The following ETV6 variants were observed in gnomAD, a reference collection of about 807,000 sequenced individuals.
ETV6 encodes the protein transcription factor ETV6.
Under a neutral mutation model 51.1 loss-of-function variants are expected in ETV6, and 16 were observed. The ratio of observed to expected loss-of-function variants is 0.31; its 90% CI spans 0.21 to 0.48. The LOEUF (loss-of-function observed/expected upper bound fraction) is 0.48. ETV6 is among the 20% of genes least tolerant of loss of function. ETV6 has a pLI of 0.99. For missense variants in ETV6, 458 were observed against 594.8 expected, an observed-to-expected ratio of 0.77 and a Z score of 2.39; for synonymous variants, 240 against 224.1, an observed-to-expected ratio of 1.07 and a Z score of -0.64.
chr12:11,879,736 T>C (rs978574514), intron 5 of ETV6, among the ~76,000 whole-genome samples: 1 of 152,224 alleles, frequency 6.6e-6, no homozygotes, highest in African/African-American at 2.4e-5. Context: ...GCACTTAAAA[T>C]TAATGAATAC....
intron 1 of ETV6, among the ~76,000 whole-genome samples, chr12:11,721,775 C>A (rs1855420278): frequency 6.6e-6 from 1 of 152,248 alleles, no homozygotes; most frequent in African/African-American, 2.4e-5. Context: ...AGCAGAGGGT[C>A]TGGCACCCTG....
At chr12:11,868,129 G>C (rs1191524533) in intron 4 of ETV6, among the ~76,000 whole-genome samples, 2 of 152,196 alleles carry the variant, frequency 1.3e-5, no homozygotes. Context: ...GCTCCCAAAA[G>C]TTCTTTCAAG....
chr12:11,675,510 T>C (rs888377177), intron 1 of ETV6, among the ~76,000 whole-genome samples: 1 of 152,284 alleles, frequency 6.6e-6, no homozygotes, highest in South Asian at 2.1e-4. Flanking sequence ...CATAGGTTTT[T>C]TTTCCTCTAA....
At chr12:11,886,900 T>G (rs1019063616) in intron 7 of ETV6, among the ~76,000 whole-genome samples, 1 of 152,186 alleles carries the variant, frequency 6.6e-6, no homozygotes, top group Non-Finnish European at 1.5e-5. Context: ...TGATGAGTTT[T>G]GGCAGGTGGG....
chr12:11,775,123 C>T (rs999015186), intron 2 of ETV6, among the ~76,000 whole-genome samples: 14 of 152,164 alleles, frequency 9.2e-5, no homozygotes, highest in African/African-American at 2.7e-4. Flanking sequence ...GTTTGCTTTC[C>T]GCAGTCAAAA....
intron 1 of ETV6, among the ~76,000 whole-genome samples, chr12:11,685,770 A>T (rs375062578): frequency 9.2e-5 from 14 of 152,210 alleles, no homozygotes; most frequent in Admixed American, 9.2e-4. Flanking sequence ...ATGGGGCATT[A>T]TGTTCATATG....
intron 1 of ETV6, among the ~76,000 whole-genome samples, chr12:11,725,914 T>G (rs1432351997): frequency 6.6e-6 from 1 of 152,212 alleles, no homozygotes; most frequent in African/African-American, 2.4e-5. Flanking sequence ...CTGTAGCGCC[T>G]GTAGAACTGT....
At chr12:11,719,603 T>A (rs966999115) in intron 1 of ETV6, among the ~76,000 whole-genome samples, 8 of 152,240 alleles carry the variant, frequency 5.3e-5, no homozygotes, top group Admixed American at 5.2e-4. Context: ...TGCATTTATC[T>A]CTGGCCAACA....
intron 1 of ETV6, among the ~76,000 whole-genome samples, chr12:11,751,052 A>G (rs1487703401): frequency 6.6e-6 from 1 of 152,128 alleles, no homozygotes; most frequent in Non-Finnish European, 1.5e-5. Context: ...TTAAACAGAA[A>G]TATTCCAACT....
intron 1 of ETV6, among the ~76,000 whole-genome samples, chr12:11,684,971 G>A (rs1041260471): frequency 6.6e-6 from 1 of 152,154 alleles, no homozygotes; most frequent in Non-Finnish European, 1.5e-5. Flanking sequence ...AGAGAGTGAC[G>A]CAGGGCCAGG....
intron 2 of ETV6, among the ~76,000 whole-genome samples, chr12:11,754,280 C>T (rs1944973298): frequency 1.3e-5 from 2 of 152,146 alleles, no homozygotes; most frequent in South Asian, 4.2e-4. Context: ...AAAAAACTCC[C>T]CTGCTCTTGT....
chr12:11,837,537 G>C (rs1946333956), intron 2 of ETV6, among the ~76,000 whole-genome samples: 1 of 152,194 alleles, frequency 6.6e-6, no homozygotes, highest in Non-Finnish European at 1.5e-5. Flanking sequence ...TGAGCCGTTT[G>C]TTCCCCACTT....
intron 1 of ETV6, chr12:11,750,792 C>CTTTTTTTTTTTTTTTTTTTTTTTTG: frequency 2.8e-6 from 1 of 361,496 alleles, no homozygotes; most frequent in Non-Finnish European, 5.0e-6. Context: ...TATGTGTGGG[C>CTTTTTTTTTTTTTTTTTTTTTTTTG]TTTTTTTTTT....
chr12:11,690,407 A>G (rs1864731642), intron 1 of ETV6, among the ~76,000 whole-genome samples: 1 of 151,908 alleles, frequency 6.6e-6, no homozygotes, highest in Non-Finnish European at 1.5e-5. Flanking sequence ...GATTAGTCAT[A>G]ATCTTTACTT....
chr12:11,740,254 T>G (rs1330269102), intron 1 of ETV6, among the ~76,000 whole-genome samples: 3 of 152,248 alleles, frequency 2.0e-5, no homozygotes, highest in Non-Finnish European at 1.5e-5. Context: ...GGAATTCCAC[T>G]GCATGAAAGG....
At chr12:11,798,827 A>G (rs1401359297) in intron 2 of ETV6, among the ~76,000 whole-genome samples, 2 of 152,126 alleles carry the variant, frequency 1.3e-5, no homozygotes, top group African/African-American at 4.8e-5. Flanking sequence ...TCTTGAGTCC[A>G]TTTTGCTAGT....
chr12:11,890,800 A>G, intron 7 of ETV6, 141 bp from the exon 8 acceptor site: 1 of 720,560 alleles, frequency 1.4e-6, no homozygotes, highest in East Asian at 2.5e-5. Flanking sequence ...ATTTGCACTA[A>G]GTTAACATTA....
chr12:11,690,301 G>C (rs1348834358), intron 1 of ETV6, among the ~76,000 whole-genome samples: 1 of 151,880 alleles, frequency 6.6e-6, no homozygotes, highest in African/African-American at 2.4e-5. Context: ...ACACCTGTCT[G>C]CTTTGTATCG....
At chr12:11,876,034 G>T (rs1170779756) in intron 5 of ETV6, among the ~76,000 whole-genome samples, 5 of 152,156 alleles carry the variant, frequency 3.3e-5, no homozygotes. Flanking sequence ...TGCAATGTAG[G>T]ATGCAGACTT....
Sources: allele counts gnomAD v4.1 joint callset (sites outside exome capture counted in the v4.1 genomes callset), GRCh38; gene constraint gnomAD v4.1.1; transcripts MANE v1.5; gene names NCBI Gene and HGNC (gene_info 2026-07-23, HGNC 2026-07-21).